The following DPY19L2 variants were observed in gnomAD, a reference collection of about 807,000 sequenced individuals.
The protein encoded by DPY19L2 is probable C-mannosyltransferase DPY19L2.
Under a neutral mutation model 97.9 loss-of-function variants are expected in DPY19L2, and 34 were observed. The ratio of observed to expected loss-of-function variants is 0.35; its 90% CI spans 0.26 to 0.46. The LOEUF (loss-of-function observed/expected upper bound fraction) is 0.46, where lower values mean the gene tolerates loss of function less well. Ranked by LOEUF, DPY19L2 falls within the 20% of genes least tolerant of loss-of-function variation. DPY19L2 has a pLI of 1.00. For synonymous variants in DPY19L2, 230 were observed against 307.9 expected (o/e 0.75, Z 2.65); for missense variants, 623 against 911.4 (o/e 0.68, Z 4.07).
At chr12:63,630,359 G>C (rs1440001360) in intron 6 of DPY19L2, among the ~76,000 whole-genome samples, 1 of 151,956 alleles carries the variant, frequency 6.6e-6, no homozygotes, top group Non-Finnish European at 1.5e-5. Flanking sequence ...TCAAAATAAA[G>C]GGACAGAGGA....
intron 6 of DPY19L2, among the ~76,000 whole-genome samples, chr12:63,628,205 G>A (rs766042749): frequency 5.9e-5 from 9 of 152,172 alleles, no homozygotes; most frequent in Non-Finnish European, 1.2e-4. Flanking sequence ...ACTGGGGATT[G>A]TCAGAAAGTG....
intron 4 of DPY19L2, among the ~76,000 whole-genome samples, chr12:63,654,745 GTCA>G (rs1264860013): frequency 6.6e-6 from 1 of 152,062 alleles, no homozygotes; most frequent in Non-Finnish European, 1.5e-5. Flanking sequence ...GGAAGAAAAA[GTCA>G]TCGTTAAATT....
intron 5 of DPY19L2, among the ~76,000 whole-genome samples, chr12:63,645,297 G>A (rs746071558): frequency 7.9e-5 from 12 of 152,150 alleles, no homozygotes; most frequent in East Asian, 1.9e-4. Context: ...CTCTCTGATC[G>A]CTCGTTTCAG....
chr12:63,630,876 G>A (rs145543713), intron 6 of DPY19L2, among the ~76,000 whole-genome samples: 2,481 of 151,964 alleles, frequency 0.016, 72 homozygotes, highest in African/African-American at 0.056. Context: ...TCTCTCAGAC[G>A]GCAGTGCAAT....
intron 14 of DPY19L2, 75 bp from the exon 15 acceptor site, chr12:63,596,112 A>T (rs1344265518): frequency 7.5e-7 from 1 of 1,327,706 alleles, no homozygotes; most frequent in African/African-American, 1.5e-5. Context: ...ATGTCAAACT[A>T]AGTGCCATGA....
At chr12:63,572,152 G>A (rs1303874320) in intron 19 of DPY19L2, among the ~76,000 whole-genome samples, 2 of 152,142 alleles carry the variant, frequency 1.3e-5, no homozygotes, top group African/African-American at 2.4e-5. Context: ...GCTCTTGGGT[G>A]GCATTTCTGG....
chr12:63,620,392 A>G (rs2137792666), intron 9 of DPY19L2, among the ~76,000 whole-genome samples: 1 of 152,306 alleles, frequency 6.6e-6, no homozygotes, highest in East Asian at 1.9e-4. Context: ...GGCCCTTGGC[A>G]TGCTGTGTAG....
At chr12:63,603,210 TAAAG>T (rs1320902006) in intron 12 of DPY19L2, among the ~76,000 whole-genome samples, 3 of 152,180 alleles carry the variant, frequency 2.0e-5, no homozygotes, top group Non-Finnish European at 4.4e-5. Context: ...AAAATCTAAA[TAAAG>T]AATAACAAAA....
chr12:63,612,942 A>G (rs567622749), intron 11 of DPY19L2, among the ~76,000 whole-genome samples: 2 of 152,214 alleles, frequency 1.3e-5, no homozygotes, highest in East Asian at 3.9e-4. Flanking sequence ...TGAAAGATAC[A>G]ACCAAAGTTC....
At chr12:63,612,727 G>T (rs980385241) in intron 11 of DPY19L2, among the ~76,000 whole-genome samples, 12 of 150,616 alleles carry the variant, frequency 8.0e-5, no homozygotes, top group Non-Finnish European at 1.5e-4. Context: ...GCAAATCAAT[G>T]AAAACAAAAG....
At chr12:63,629,595 G>A (rs564723417) in intron 6 of DPY19L2, among the ~76,000 whole-genome samples, 1 of 152,290 alleles carries the variant, frequency 6.6e-6, no homozygotes, top group African/African-American at 2.4e-5. Context: ...TCTGATTGGT[G>A]TACCTGAAAG....
chr12:63,619,538 G>A (rs948536782), intron 9 of DPY19L2, among the ~76,000 whole-genome samples: 13 of 150,206 alleles, frequency 8.7e-5, no homozygotes, highest in Middle Eastern at 3.4e-3. Context: ...TTGAAACTGA[G>A]TCTCACTCTG....
intron 21 of DPY19L2, among the ~76,000 whole-genome samples, chr12:63,567,054 G>GACA (rs1877868113): frequency 1.3e-5 from 2 of 152,088 alleles, no homozygotes; most frequent in East Asian, 3.9e-4. Context: ...ATAAATTACT[G>GACA]TTAACTAATA....
chr12:63,647,165 A>G (rs1048208404), intron 5 of DPY19L2, 80 bp downstream of exon 5: 123 of 1,091,628 alleles, frequency 1.1e-4, no homozygotes, highest in Non-Finnish European at 1.2e-4. Flanking sequence ...GAATTTTACA[A>G]TAATTCTTAA....
intron 4 of DPY19L2, among the ~76,000 whole-genome samples, chr12:63,655,968 C>T (rs61935160): frequency 0.12 from 18,258 of 152,112 alleles, 1,191 homozygotes; most frequent in East Asian, 0.28. Context: ...TGTCTAGTGG[C>T]ATGACCCATG....
At chr12:63,634,999 A>C (rs996539629) in intron 6 of DPY19L2, among the ~76,000 whole-genome samples, 1 of 152,076 alleles carries the variant, frequency 6.6e-6, no homozygotes, top group African/African-American at 2.4e-5. Context: ...TGGGTCCCTG[A>C]CCTCCGAGTA....
chr12:63,631,132 A>T (rs1249377677), intron 6 of DPY19L2, among the ~76,000 whole-genome samples: 3 of 152,148 alleles, frequency 2.0e-5, no homozygotes, highest in Admixed American at 6.6e-5. Context: ...TCTAAAATTG[A>T]CACCCTAACA....
At position 63,626,726 on chromosome 12, in the gene DPY19L2, A is replaced by G. The variant is rs1044017884; in HGVS notation, c.804-200T>C. On this transcript the variant is annotated intron_variant, in intron 6 of 21. Transcript: ENST00000324472. ...AAAGTGTACGTATAAATTAATCTCA[A>G]TTGTATAATTTGTTATAGCTAAAAT... 2.0e-5 allele frequency among the ~76,000 whole-genome samples: 3 copies of G among 152,170 alleles called. No homozygotes were observed. In the East Asian group the frequency reaches 5.8e-4, roughly 29 times the overall value.
intron 4 of DPY19L2, among the ~76,000 whole-genome samples, chr12:63,656,742 C>T (rs1817707212): frequency 6.6e-6 from 1 of 152,016 alleles, no homozygotes; most frequent in Admixed American, 6.6e-5. Context: ...CCTTCCTCCA[C>T]TTTTTTTTCT....
Sources: gnomAD v4.1 joint callset for allele counts (sites outside exome capture counted in the v4.1 genomes callset) on GRCh38, gnomAD v4.1.1 for gene constraint, MANE v1.5 for transcripts, NCBI Gene and HGNC (gene_info 2026-07-23, HGNC 2026-07-21) for gene names.